Variants in ATP6V0E1 observed in about 807,000 individuals in gnomAD.
The protein encoded by ATP6V0E1 is ATPase H+ transporting V0 subunit e1.
ATP6V0E1 carries 4 observed loss-of-function variants against 11.6 expected under a neutral mutation model. The observed-to-expected ratio is 0.35, with a 90% CI of 0.17 to 0.79. The LOEUF (loss-of-function observed/expected upper bound fraction) is 0.79, where lower values mean the gene tolerates loss of function less well. Ranked by LOEUF, ATP6V0E1 falls within the 30% of genes least tolerant of loss-of-function variation. The pLI is 0.54. For synonymous variants in ATP6V0E1, 36 were observed against 34.8 expected (o/e 1.04, Z -0.13); for missense variants, 105 against 100.0 (o/e 1.05, Z -0.21).
rs60822937 is a variant in ATP6V0E1, at chr5:173,025,504, C to CTTTTTTTT, written c.*36+5157_*36+5164dup. On this transcript the variant is annotated intron_variant, in intron 3 of 3. Transcript: ENST00000519374. ...ATTATTCTACAATGTATATAAAATA[C>CTTTTTTTT]TTTTTTTTTTTTTTTTTTTTTTTTT... Among the ~76,000 whole-genome samples the CTTTTTTTT allele has an allele frequency of 5.9e-4, 39 of 65,570 alleles. 4 individuals carry two copies. Among genetic ancestry groups the CTTTTTTTT allele is most frequent in the South Asian group, 3.7e-3 (6 of 1,642 alleles). The allele number at this position is 65,570 out of a possible 152,430, so 43.0% of individuals were successfully genotyped here. A position where few individuals can be genotyped will look rare whatever the true frequency, so the allele number is the denominator to read the frequency against.
At chr5:172,995,868 C>T (rs932010943) in intron 2 of ATP6V0E1, among the ~76,000 whole-genome samples, 5 of 152,174 alleles carry the variant, frequency 3.3e-5, no homozygotes, top group Non-Finnish European at 7.4e-5. Flanking sequence ...CCATCTTAAG[C>T]CTCCCAAAGT....
chr5:173,008,546 A>T (rs1287148295), intron 2 of ATP6V0E1, among the ~76,000 whole-genome samples: 2 of 148,204 alleles, frequency 1.3e-5, no homozygotes, highest in Non-Finnish European at 3.0e-5. Context: ...TGATCTGCCC[A>T]CCTTGGCTTC....
At chr5:173,015,856 A>G (rs1008526806) in intron 2 of ATP6V0E1, among the ~76,000 whole-genome samples, 1 of 152,122 alleles carries the variant, frequency 6.6e-6, no homozygotes, top group Non-Finnish European at 1.5e-5. Flanking sequence ...CCTCCCAAGT[A>G]GCTGGGACTA....
At chr5:172,999,614 A>G (rs569342274) in intron 2 of ATP6V0E1, among the ~76,000 whole-genome samples, 38 of 152,348 alleles carry the variant, frequency 2.5e-4, no homozygotes, top group African/African-American at 8.4e-4. Flanking sequence ...GGCGTGAGCC[A>G]CCACGCCCAG....
At chr5:173,030,441 GTTTTTTTTT>G (rs60654421) in intron 3 of ATP6V0E1, among the ~76,000 whole-genome samples, 1 of 127,560 alleles carries the variant, frequency 7.8e-6, no homozygotes, top group African/African-American at 2.9e-5. Context: ...TCAGTTTTTT[GTTTTTTTTT>G]TTTTTTTTGA....
rs199791481 is a variant in ATP6V0E1, at chr5:173,009,485, A to G, written c.153-10753A>G. 3.0e-5 allele frequency among the ~76,000 whole-genome samples: 4 copies of G among 134,810 alleles called. No homozygotes were observed. In the East Asian group the frequency reaches 6.4e-4, roughly 21 times the overall value. 88.4% of individuals were successfully genotyped at this position (134,810 alleles called of 152,430 possible). A position where few individuals can be genotyped will look rare whatever the true frequency, so the allele number is the denominator to read the frequency against. ...TTTTTTTTTTTTTTTTTTTTGAGAC[A>G]GAGTCTCGTTCTATCATCCAGGTGG... On this transcript the variant is annotated intron_variant, in intron 2 of 3. Transcript: ENST00000519374.
intron 3 of ATP6V0E1, among the ~76,000 whole-genome samples, chr5:173,028,880 A>G (rs1756600749): frequency 6.6e-6 from 1 of 152,100 alleles, no homozygotes; most frequent in African/African-American, 2.4e-5. Context: ...TCACTTTCCT[A>G]CAGCCTTGTG....
intron 3 of ATP6V0E1, among the ~76,000 whole-genome samples, chr5:173,029,656 T>C (rs1427380991): frequency 2.6e-5 from 4 of 152,162 alleles, no homozygotes; most frequent in Non-Finnish European, 5.9e-5. Flanking sequence ...TGCAGCAGGA[T>C]TTTTTGTTTT....
chr5:173,019,889 T>A (rs1026686013), intron 2 of ATP6V0E1, among the ~76,000 whole-genome samples: 2 of 152,050 alleles, frequency 1.3e-5, no homozygotes, highest in African/African-American at 2.4e-5. Flanking sequence ...AGGTTGGAAG[T>A]TGTGATGATG....
At chr5:173,009,853 T>C (rs1756292635) in intron 2 of ATP6V0E1, among the ~76,000 whole-genome samples, 1 of 149,316 alleles carries the variant, frequency 6.7e-6, no homozygotes, top group Non-Finnish European at 1.5e-5. Context: ...AACCTCTGCC[T>C]CCCGGGTTCA....
rs962289327 is a variant in ATP6V0E1, at chr5:173,025,634, G to A, written c.*36+5267G>A. Among the ~76,000 whole-genome samples, 19 of 141,832 alleles carry A rather than the reference G, an allele frequency of 1.3e-4. No homozygotes were observed. The Admixed American group carries it at 1.4e-3, about 11-fold the overall frequency. 93.0% of individuals were successfully genotyped at this position (141,832 alleles called of 152,430 possible). ...CTCAGCCTTCTGATTATCTGGGACT[G>A]TAGACACGTGACACCACGCCTGGCT... On this transcript the variant is annotated intron_variant, in intron 3 of 3. Coordinates refer to ENST00000519374, the MANE Select transcript of ATP6V0E1 (RefSeq NM_003945.4).
In ATP6V0E1 at chr5:172,995,703, C is replaced by G. The variant is rs577036785; in HGVS notation, c.152+881C>G. 3.3e-5 allele frequency among the ~76,000 whole-genome samples: 5 copies of G among 152,306 alleles called. No individual in the cohort carries two copies. The South Asian group carries it at 1.0e-3, about 32-fold the overall frequency. On this transcript the variant is annotated intron_variant, in intron 2 of 3. Coordinates refer to ENST00000519374, the MANE Select transcript of ATP6V0E1 (RefSeq NM_003945.4). ...AATCATAGCTCACTGCAGCCTCAAA[C>G]TCTTAGGCTCAGGCGATCCTCCTGC...
chr5:172,993,303 G>A (rs1205013581), intron 1 of ATP6V0E1, among the ~76,000 whole-genome samples: 3 of 152,106 alleles, frequency 2.0e-5, no homozygotes, highest in African/African-American at 7.2e-5. Context: ...GAGGCCAGGA[G>A]TTTGAGAACA....
intron 2 of ATP6V0E1, among the ~76,000 whole-genome samples, chr5:173,008,910 C>CAAAA (rs1164495740): frequency 9.7e-5 from 4 of 41,342 alleles, no homozygotes; most frequent in East Asian, 8.3e-4. Flanking sequence ...GACTCTGTCT[C>CAAAA]AAAAAAAAAA....
At chr5:173,018,965 C>CT (rs1425262993) in intron 2 of ATP6V0E1, among the ~76,000 whole-genome samples, 1 of 151,908 alleles carries the variant, frequency 6.6e-6, no homozygotes, top group Non-Finnish European at 1.5e-5. Flanking sequence ...TTTTTCTTTT[C>CT]TTTTTTTAGA....
At chr5:173,001,587 T>A (rs889285989) in intron 2 of ATP6V0E1, among the ~76,000 whole-genome samples, 9 of 152,232 alleles carry the variant, frequency 5.9e-5, no homozygotes, top group Non-Finnish European at 1.2e-4. Flanking sequence ...GTGCACCGCT[T>A]TGGTTTCCAA....
chr5:173,024,197 CAAAAAA>C (rs56837002), intron 3 of ATP6V0E1, among the ~76,000 whole-genome samples: 2,904 of 73,480 alleles, frequency 0.04, 93 homozygotes, highest in African/African-American at 0.11. Flanking sequence ...GACTCCGTCT[CAAAAAA>C]AAAAAAAAAA....
rs116359111 is a variant in ATP6V0E1 at position 173,003,670 on chromosome 5, G to A, written c.152+8848G>A. On this transcript the variant is annotated intron_variant, in intron 2 of 3. Coordinates refer to ENST00000519374, the MANE Select transcript of ATP6V0E1 (RefSeq NM_003945.4). ...ATTTGGCAGGTAGAATTTATTGGTC[G>A]TACTGATGGATTAGATGTAGGAAGA... Among the ~76,000 whole-genome samples the A allele has an allele frequency of 6.1e-3, 931 of 152,272 alleles. 7 individuals carry two copies. Among genetic ancestry groups the A allele is most frequent in the South Asian group, 0.031 (151 of 4,820 alleles).
chr5:172,998,512 G>A (rs1289280871), intron 2 of ATP6V0E1, among the ~76,000 whole-genome samples: 1 of 151,774 alleles, frequency 6.6e-6, no homozygotes, highest in East Asian at 1.9e-4. Flanking sequence ...TTGGGAGGCT[G>A]AGGCAGGAGA....
Sources: allele counts gnomAD v4.1 joint callset (sites outside exome capture counted in the v4.1 genomes callset), GRCh38; gene constraint gnomAD v4.1.1; transcripts MANE v1.5; gene names NCBI Gene and HGNC (gene_info 2026-07-23, HGNC 2026-07-21).